TH: variants seen among roughly 807,000 people sequenced by gnomAD.
TH encodes tyrosine hydroxylase.
In TH, 49 loss-of-function variants were observed where a neutral mutation model predicts 57.4. That is an observed-to-expected ratio of 0.85 (90% CI 0.68 to 1.08). The LOEUF (loss-of-function observed/expected upper bound fraction) is 1.08, where lower values mean the gene tolerates loss of function less well. Ranked by LOEUF, TH falls within the 50% of genes least tolerant of loss-of-function variation. The probability of loss-of-function intolerance (pLI) is 0.00; values close to 1 mark genes in which losing one functional copy is unlikely to be tolerated. For synonymous variants in TH, 330 were observed against 304.5 expected, an observed-to-expected ratio of 1.08 and a Z score of -0.87; for missense variants, 720 against 696.7, an observed-to-expected ratio of 1.03 and a Z score of -0.38.
At chr11:2,167,715 G>T (rs993382731) in intron 5 of TH, 151 bp downstream of exon 5, 2 of 1,168,092 alleles carry the variant, frequency 1.7e-6, no homozygotes, top group African/African-American at 1.5e-5. Flanking sequence ...GGGATTTGGG[G>T]ACATGGAAAG....
chr11:2,167,409 A>G, intron 6 of TH, 26 bp downstream of exon 6: 1 of 1,554,860 alleles, frequency 6.4e-7, no homozygotes, highest in Non-Finnish European at 8.7e-7. Flanking sequence ...GCTCCTCCCC[A>G]GCCCCTAGCT....
chr11:2,165,668 C>A lies in TH; in HGVS notation c.1200G>T (p.Leu400=). 1 of 1,612,674 alleles carries A rather than the reference C, an allele frequency of 6.2e-7. No homozygotes were observed. Among genetic ancestry groups the A allele is most frequent in the Non-Finnish European group, 8.5e-7 (1 of 1,179,898 alleles). Residue 400 remains leucine, a splice_region_variant and synonymous_variant, in exon 11 of 13, where the codon CTG becomes CTT. Coordinates refer to ENST00000352909, the MANE Select transcript of TH (RefSeq NM_000360.4). ...AGLLSSYGEL[L]HCLSEEPEIR... ...GGCTGCAGCAAGGAGAGACTCTCAC[C>A]AGGAGCTCCCCGTAGGAGGACAGCA... is the stretch of plus-strand genomic sequence containing the variant.
Position 2,166,617 on chromosome 11 carries a change from C to T in TH, c.977+16G>A. 1 of 1,581,386 alleles carries T rather than the reference C, an allele frequency of 6.3e-7. No individual in the cohort carries two copies. Among genetic ancestry groups the T allele is most frequent in the Non-Finnish European group, 8.6e-7 (1 of 1,165,300 alleles). ...CACCCCCCACCCTCGGGCTGGCGGC[C>T]AGGGCGCGCACTCACGGCTCAGGGG... On this transcript the variant is annotated intron_variant, in intron 8 of 12. Coordinates refer to ENST00000352909, the MANE Select transcript of TH (RefSeq NM_000360.4).
intron 9 of TH, 171 bp downstream of exon 9, chr11:2,166,309 G>A: frequency 9.9e-7 from 1 of 1,006,554 alleles, no homozygotes; most frequent in East Asian, 2.6e-5. Context: ...GGCCGTGGGA[G>A]GCTCCGCTCC....
chr11:2,165,259 C>T lies in TH; in HGVS notation c.1307G>A (p.Ser436Asn). The change falls in exon 12 of 13, where the codon AGC becomes AAC. Residue 436 changes from serine (S) to asparagine (N), a missense_variant. Coordinates refer to ENST00000352909, the MANE Select transcript of TH (RefSeq NM_000360.4). ...TYQSVYFVSE[S>N]FSDAKDKLRS... is the part of the protein sequence containing the mutation. ...GAGCTTGTCCTTGGCGTCACTGAAG[C>T]TCTCAGACACGAAGTAGACTGACTG... The T allele has an allele frequency of 6.2e-7, 1 of 1,612,914 alleles. No homozygotes were observed. Among genetic ancestry groups the T allele is most frequent in the Non-Finnish European group, 8.5e-7 (1 of 1,179,992 alleles).
chr11:2,167,825 T>C, intron 5 of TH, 41 bp downstream of exon 5: 1 of 1,544,370 alleles, frequency 6.5e-7, no homozygotes, highest in Non-Finnish European at 8.8e-7. Flanking sequence ...AGCGTCAGCC[T>C]GCAGGACGGA....
rs558597025 is a variant in TH, at chr11:2,169,737, C to A, written c.225G>T (p.Glu75Asp). 3 of 1,612,744 alleles carry A rather than the reference C, an allele frequency of 1.9e-6. No individual in the cohort carries two copies. Among genetic ancestry groups the A allele is most frequent in the Non-Finnish European group, 2.5e-6 (3 of 1,179,862 alleles). The change falls in exon 2 of 13, where the codon GAG (glutamate) becomes GAT (aspartate). Residue 75 changes from glutamate to aspartate, a missense_variant. Physicochemically the swap from Glu to Asp is conservative, Grantham distance 45 (BLOSUM62 2). Transcript: ENST00000352909. ...GDPLEAVAFE[E>D]KEGKAVLNLL... ...GGTTTAGCACGGCCTTCCCCTCCTT[C>A]TCCTCAAAGGCCACAGCCTCCAGGG...
rs1320684004 is a variant in TH at position 2,165,915 on chromosome 11, G to A, written c.1104+87C>T. On this transcript the variant is annotated intron_variant, in intron 10 of 12. Transcript: ENST00000352909. The stretch of plus-strand genomic sequence containing the variant: ...GTCACAATTCGTGGGTGGAAGGAGA[G>A]GCCTCAGCCTGGACGGCAAGAGGGT... The A allele has an allele frequency of 1.0e-5, 15 of 1,507,028 alleles. No homozygotes were observed. In the Admixed American group the frequency reaches 2.7e-4, roughly 28 times the overall value. 93.4% of individuals were successfully genotyped at this position (1,507,028 alleles called of 1,614,324 possible).
rs200496790 is a variant in TH, at chr11:2,165,777, G to C, written c.1105-14C>G. The C allele has an allele frequency of 2.5e-6, 4 of 1,609,456 alleles. No homozygotes were observed. Among genetic ancestry groups the C allele is most frequent in the Non-Finnish European group, 3.4e-6 (4 of 1,178,654 alleles). On this transcript the variant is annotated splice_polypyrimidine_tract_variant and intron_variant, in intron 10 of 12. Transcript: ENST00000352909. The stretch of plus-strand genomic sequence containing the variant: ...GAACCAGTACAGCTGCGGGGAAGCC[G>C]GGCAGCATCAGCCCAGAGACAGCTG...
At chr11:2,169,171 G>A (rs946093510) in intron 2 of TH, among the ~76,000 whole-genome samples, 1 of 152,088 alleles carries the variant, frequency 6.6e-6, no homozygotes, top group Non-Finnish European at 1.5e-5. Context: ...TCTGGGAGCT[G>A]GGGGGCGGGG....
chr11:2,164,594 G>A (rs1017334551), intron 12 of TH, among the ~76,000 whole-genome samples: 11 of 152,082 alleles, frequency 7.2e-5, no homozygotes, highest in East Asian at 1.9e-4. Context: ...TAGGCTAGGC[G>A]CCTTTTCCAC....
intron 3 of TH, 152 bp downstream of exon 3, chr11:2,168,339 G>T: frequency 2.2e-6 from 3 of 1,341,246 alleles, no homozygotes; most frequent in Non-Finnish European, 2.1e-6. Flanking sequence ...GCCCGGACAC[G>T]GATGTGTAGC....
intron 2 of TH, among the ~76,000 whole-genome samples, chr11:2,169,101 C>A (rs1241574093): frequency 6.6e-6 from 1 of 152,188 alleles, no homozygotes; most frequent in East Asian, 1.9e-4. Context: ...CCACCCCCAC[C>A]TCCTGTTGCC....
chr11:2,164,515 G>A (rs1846030127), intron 12 of TH, 123 bp from the exon 13 acceptor site: 9 of 1,155,024 alleles, frequency 7.8e-6, no homozygotes, highest in Non-Finnish European at 1.1e-5. Flanking sequence ...GGGCTTTTCT[G>A]AGCCAACTGG....
In TH at chr11:2,164,347, G is replaced by T. The variant is rs748364426; in HGVS notation, c.1380C>A (p.Asp460Glu). 1 of 1,549,124 alleles carries T rather than the reference G, an allele frequency of 6.5e-7. No homozygotes were observed. Among genetic ancestry groups the T allele is most frequent in the Non-Finnish European group, 8.7e-7 (1 of 1,144,646 alleles). ...GCACGTCGATGGCCAGCGTGTACGGGTCGAACTTCACGGAGAAGGGGCGCT... is the reference window on the plus strand; with the variant it reads ...GCACGTCGATGGCCAGCGTGTACGGTTCGAACTTCACGGAGAAGGGGCGCT... ...RIQRPFSVKF[D>E]PYTLAIDVLD... The change falls in exon 13 of 13, where the codon GAC becomes GAA. Residue 460 changes from aspartate (D) to glutamate (E), a missense_variant. Coordinates refer to ENST00000352909, the MANE Select transcript of TH (RefSeq NM_000360.4).
chr11:2,168,350 A>G, intron 3 of TH, 141 bp downstream of exon 3: 1 of 1,379,210 alleles, frequency 7.3e-7, no homozygotes, highest in East Asian at 2.4e-5. Flanking sequence ...GATGTGTAGC[A>G]AAACGGGGTG....
At chr11:2,166,256 G>C (rs1846087192) in intron 9 of TH, 198 bp from the exon 10 acceptor site, 1 of 846,348 alleles carries the variant, frequency 1.2e-6, no homozygotes, top group South Asian at 1.7e-5. Context: ...ACATTCCTAA[G>C]CCCGTGGGCG....
chr11:2,166,574 C>T, intron 8 of TH, 25 bp from the exon 9 acceptor site: 1 of 1,593,458 alleles, frequency 6.3e-7, no homozygotes, highest in Non-Finnish European at 8.5e-7. Context: ...GAGAAGGGGG[C>T]TGAGGGGCCG....
At chr11:2,166,595 C>T in intron 8 of TH, 38 bp downstream of exon 8, 1 of 1,585,002 alleles carries the variant, frequency 6.3e-7, no homozygotes, top group Non-Finnish European at 8.6e-7. Flanking sequence ...CCCGTCGCAC[C>T]CCCCACCCTC....
Sources: gnomAD v4.1 joint callset for allele counts (sites outside exome capture counted in the v4.1 genomes callset) on GRCh38, gnomAD v4.1.1 for gene constraint, MANE v1.5 for transcripts, NCBI Gene and HGNC (gene_info 2026-07-23, HGNC 2026-07-21) for gene names.